DUS2: variants seen among roughly 807,000 people sequenced by gnomAD.
DUS2 encodes dihydrouridine synthase 2, also known as tRNA-dihydrouridine(20) synthase [NAD(P)+]-like.
A neutral mutation model predicts 71.3 loss-of-function variants in DUS2; 52 were observed. The ratio of observed to expected loss-of-function variants is 0.73; its 90% confidence interval spans 0.58 to 0.92. The LOEUF (loss-of-function observed/expected upper bound fraction) is 0.92, where lower values mean the gene tolerates loss of function less well. Ranked by LOEUF, DUS2 falls within the 40% of genes least tolerant of loss-of-function variation. The pLI is 0.00. For missense variants in DUS2, 558 were observed against 622.6 expected, an observed-to-expected ratio of 0.90 and a Z score of 1.10; for synonymous variants, 204 against 227.8, an observed-to-expected ratio of 0.90 and a Z score of 0.94.
At chr16:68,045,371 C>T (rs991333454) in intron 3 of DUS2, among the ~76,000 whole-genome samples, 27 of 151,548 alleles carry the variant, frequency 1.8e-4, no homozygotes, top group Non-Finnish European at 3.5e-4. Context: ...TTTGGGAGAC[C>T]GAGGCGGGTG....
At chr16:68,038,855 C>A (rs916674798) in intron 3 of DUS2, among the ~76,000 whole-genome samples, 7 of 151,440 alleles carry the variant, frequency 4.6e-5, no homozygotes, top group Non-Finnish European at 7.4e-5. Flanking sequence ...TTGAGACCAG[C>A]CTGGGCAATA....
Position 68,049,382 on chromosome 16 carries a change from C to A in DUS2, c.127-123C>A, listed in dbSNP as rs1036022041. The A allele has an allele frequency of 4.3e-6, 4 of 924,500 alleles. No homozygotes were observed. In the Admixed American group the frequency reaches 7.5e-5, roughly 17 times the overall value. 57.3% of individuals were successfully genotyped at this position (924,500 alleles called of 1,614,324 possible). A position where few individuals can be genotyped will look rare whatever the true frequency, so the allele number is the denominator to read the frequency against. On this transcript the variant is annotated intron_variant, in intron 3 of 16. Coordinates refer to ENST00000565263, the MANE Select transcript of DUS2 (RefSeq NM_017803.5). Reference sequence around the variant, plus strand: ...GAATAGCACTACATGTCCCAAAAGCCGTGGTTTGTTCTTGGTAGTAGGGCG... The same window carrying A: ...GAATAGCACTACATGTCCCAAAAGCAGTGGTTTGTTCTTGGTAGTAGGGCG...
At chr16:68,068,183 T>C (rs1230669185) in intron 10 of DUS2, among the ~76,000 whole-genome samples, 1 of 152,228 alleles carries the variant, frequency 6.6e-6, no homozygotes, top group Non-Finnish European at 1.5e-5. Flanking sequence ...CTCTCTTCTC[T>C]GAGTGATGTT....
At chr16:68,042,501 G>A (rs946203251) in intron 3 of DUS2, among the ~76,000 whole-genome samples, 5 of 151,920 alleles carry the variant, frequency 3.3e-5, no homozygotes, top group African/African-American at 1.2e-4. Flanking sequence ...CAAAGCTTCC[G>A]GTTTCTCTAC....
Position 68,079,028 on chromosome 16 carries a change from T to G in DUS2, c.*42T>G. 6.7e-7 allele frequency: 1 copy of G among 1,488,472 alleles called. No individual in the cohort carries two copies. Among genetic ancestry groups the G allele is most frequent in the Middle Eastern group, 1.8e-4 (1 of 5,452 alleles). 92.2% of individuals were successfully genotyped at this position (1,488,472 alleles called of 1,614,324 possible). ...AGTCACCCCTCCATGGGCCTGGTGC[T>G]AAGGTGGCTGTGGATGCCACAGCAT... On this transcript the variant is annotated 3_prime_UTR_variant, in exon 17 of 17. Coordinates refer to ENST00000565263, the MANE Select transcript of DUS2 (RefSeq NM_017803.5).
intron 2 of DUS2, among the ~76,000 whole-genome samples, chr16:68,033,913 T>C (rs1484739621): frequency 6.6e-6 from 1 of 151,986 alleles, no homozygotes; most frequent in African/African-American, 2.4e-5. Flanking sequence ...ATTACAGACA[T>C]GAACCACCGT....
chr16:68,045,372 G>A (rs1209936080), intron 3 of DUS2, among the ~76,000 whole-genome samples: 1 of 151,790 alleles, frequency 6.6e-6, no homozygotes. Flanking sequence ...TTGGGAGACC[G>A]AGGCGGGTGG....
At chr16:68,034,606 T>A (rs895906991) in intron 2 of DUS2, among the ~76,000 whole-genome samples, 2 of 152,196 alleles carry the variant, frequency 1.3e-5, no homozygotes, top group Non-Finnish European at 1.5e-5. Flanking sequence ...GCTCAAGCAA[T>A]CCATCTGTCT....
intron 3 of DUS2, among the ~76,000 whole-genome samples, chr16:68,039,634 G>A (rs1047801275): frequency 1.3e-5 from 2 of 152,056 alleles, no homozygotes; most frequent in Non-Finnish European, 2.9e-5. Context: ...TGTTAGCCAG[G>A]ATGGTCTCGA....
At chr16:68,071,309 C>T (rs536794849) in intron 12 of DUS2, among the ~76,000 whole-genome samples, 2 of 152,334 alleles carry the variant, frequency 1.3e-5, no homozygotes, top group South Asian at 4.1e-4. Context: ...TGCTGGGGGG[C>T]ATACCCCTAC....
chr16:68,075,747 A>G (rs1232766200), intron 14 of DUS2, among the ~76,000 whole-genome samples: 1 of 151,518 alleles, frequency 6.6e-6, no homozygotes, highest in East Asian at 2.0e-4. Flanking sequence ...GCCTCCCACA[A>G]CTCAGGGCAG....
At chr16:68,056,964 T>G (rs896720380) in intron 7 of DUS2, among the ~76,000 whole-genome samples, 1 of 141,902 alleles carries the variant, frequency 7.0e-6, no homozygotes, top group African/African-American at 2.6e-5. Context: ...TATAATTATA[T>G]ATTACACATA....
intron 3 of DUS2, among the ~76,000 whole-genome samples, chr16:68,044,693 G>A (rs1017862818): frequency 5.3e-5 from 8 of 151,662 alleles, no homozygotes; most frequent in Admixed American, 2.0e-4. Context: ...CCATTGGGCC[G>A]GGTCAGGTCT....
At chr16:68,060,516 G>A (rs1431718736) in intron 7 of DUS2, among the ~76,000 whole-genome samples, 3 of 152,128 alleles carry the variant, frequency 2.0e-5, no homozygotes, top group African/African-American at 7.2e-5. Flanking sequence ...ATTTCACCAT[G>A]TTAGCCAGGC....
chr16:68,050,859 A>G (rs897112908), intron 4 of DUS2, among the ~76,000 whole-genome samples: 1 of 152,168 alleles, frequency 6.6e-6, no homozygotes, highest in Non-Finnish European at 1.5e-5. Context: ...GCTGTTATAA[A>G]CAGAGTTGCA....
chr16:68,051,364 CTTTGT>C (rs1472134420), intron 4 of DUS2, among the ~76,000 whole-genome samples: 1 of 152,092 alleles, frequency 6.6e-6, no homozygotes, highest in African/African-American at 2.4e-5. Context: ...CAGTCCATAA[CTTTGT>C]TTTATGTGTG....
intron 11 of DUS2, 76 bp from the exon 12 acceptor site, chr16:68,070,864 C>A: frequency 6.5e-7 from 1 of 1,532,716 alleles, no homozygotes; most frequent in Non-Finnish European, 9.0e-7. Context: ...AGTGGCAGAT[C>A]TGAGAGCTGA....
At chr16:68,077,524 T>G (rs2034175192) in intron 15 of DUS2, 1 of 152,114 alleles carries the variant, frequency 6.6e-6, no homozygotes, top group Admixed American at 6.5e-5. Context: ...GTAGCTGGGA[T>G]TACAGGTGGG....
chr16:68,037,498 A>G (rs1252352180), intron 2 of DUS2, among the ~76,000 whole-genome samples: 1 of 150,350 alleles, frequency 6.7e-6, no homozygotes, highest in African/African-American at 2.5e-5. Context: ...TCTGACTGCA[A>G]CCTCCGCCTC....
Sources: gnomAD v4.1 joint callset for allele counts (sites outside exome capture counted in the v4.1 genomes callset) on GRCh38, gnomAD v4.1.1 for gene constraint, MANE v1.5 for transcripts, NCBI Gene and HGNC (gene_info 2026-07-23, HGNC 2026-07-21) for gene names.